The following ZBTB16 variants were observed in gnomAD, a reference collection of about 807,000 sequenced individuals.
ZBTB16 encodes zinc finger and BTB domain-containing protein 16.
In ZBTB16, 8 loss-of-function variants were observed where a neutral mutation model predicts 56.8. The ratio of observed to expected loss-of-function variants is 0.14; its 90% confidence interval spans 0.08 to 0.25. ZBTB16 has a LOEUF of 0.25. ZBTB16 is among the 10% of genes least tolerant of loss of function. The pLI, the probability that ZBTB16 is intolerant of heterozygous loss-of-function variation, is 1.00. For missense variants in ZBTB16, 625 were observed against 903.0 expected (o/e 0.69, Z 3.95); for synonymous variants, 363 against 368.5 (o/e 0.98, Z 0.17).
At chr11:114,073,375 C>T (rs1297097128) in intron 2 of ZBTB16, among the ~76,000 whole-genome samples, 2 of 152,198 alleles carry the variant, frequency 1.3e-5, no homozygotes, top group African/African-American at 4.8e-5. Context: ...AAATAAAAAT[C>T]CCATGCTGTT....
chr11:114,091,194 A>G (rs1343649575), intron 2 of ZBTB16, among the ~76,000 whole-genome samples: 1 of 152,154 alleles, frequency 6.6e-6, no homozygotes, highest in Non-Finnish European at 1.5e-5. Flanking sequence ...AAAAAAATAT[A>G]AAAATTAACG....
intron 2 of ZBTB16, among the ~76,000 whole-genome samples, chr11:114,118,776 T>C (rs1012531616): frequency 6.6e-6 from 1 of 152,178 alleles, no homozygotes; most frequent in African/African-American, 2.4e-5. Flanking sequence ...AGTGAGGGGT[T>C]ATGAAGAGAC....
chr11:114,133,018 G>A (rs1022923344), intron 2 of ZBTB16, among the ~76,000 whole-genome samples: 1 of 152,024 alleles, frequency 6.6e-6, no homozygotes, highest in African/African-American at 2.4e-5. Context: ...TCTTCCATGC[G>A]GCAATGAATA....
chr11:114,140,616 G>A (rs1177139480), intron 2 of ZBTB16, among the ~76,000 whole-genome samples: 1 of 152,202 alleles, frequency 6.6e-6, no homozygotes, highest in Non-Finnish European at 1.5e-5. Context: ...AGTAGAGGAT[G>A]GCATGTTTAG....
intron 2 of ZBTB16, among the ~76,000 whole-genome samples, chr11:114,144,541 A>T (rs1942047805): frequency 6.6e-6 from 1 of 152,134 alleles, no homozygotes; most frequent in Non-Finnish European, 1.5e-5. Flanking sequence ...GGGGTAGAAA[A>T]AGAAGTTTGG....
intron 4 of ZBTB16, among the ~76,000 whole-genome samples, chr11:114,195,315 C>A (rs1175209462): frequency 1.3e-5 from 2 of 152,106 alleles, no homozygotes; most frequent in Non-Finnish European, 2.9e-5. Flanking sequence ...CTCTTTCAGT[C>A]CATCTGTAGG....
At chr11:114,203,339 T>A (rs1388921588) in intron 4 of ZBTB16, among the ~76,000 whole-genome samples, 1 of 152,132 alleles carries the variant, frequency 6.6e-6, no homozygotes, top group Non-Finnish European at 1.5e-5. Flanking sequence ...TGGTTCCTTT[T>A]TGGAGTGATG....
chr11:114,214,753 G>A (rs1329385737), intron 4 of ZBTB16, among the ~76,000 whole-genome samples: 3 of 152,184 alleles, frequency 2.0e-5, no homozygotes, highest in Non-Finnish European at 2.9e-5. Context: ...ACAGGCATGC[G>A]CCACCACATC....
chr11:114,227,880 A>G (rs372255548), intron 4 of ZBTB16, among the ~76,000 whole-genome samples: 1 of 152,210 alleles, frequency 6.6e-6, no homozygotes, highest in African/African-American at 2.4e-5. Flanking sequence ...CAAAATTTGC[A>G]TTTTTAACCA....
chr11:114,069,630 C>T (rs1031445123), intron 2 of ZBTB16, among the ~76,000 whole-genome samples: 3 of 152,212 alleles, frequency 2.0e-5, no homozygotes, highest in Admixed American at 1.3e-4. Flanking sequence ...GTTTAGGCTA[C>T]TTTTGGGATT....
At chr11:114,200,809 C>A (rs1317869802) in intron 4 of ZBTB16, among the ~76,000 whole-genome samples, 1 of 152,164 alleles carries the variant, frequency 6.6e-6, no homozygotes. Flanking sequence ...CCTGTGTTTC[C>A]TCTCTGACTT....
chr11:114,112,285 G>T (rs1295325258), intron 2 of ZBTB16, among the ~76,000 whole-genome samples: 1 of 152,100 alleles, frequency 6.6e-6, no homozygotes, highest in African/African-American at 2.4e-5. Flanking sequence ...TTTCATCACA[G>T]AACATTTCTA....
At chr11:114,079,994 A>G (rs1193928674) in intron 2 of ZBTB16, among the ~76,000 whole-genome samples, 1 of 152,196 alleles carries the variant, frequency 6.6e-6, no homozygotes, top group Non-Finnish European at 1.5e-5. Flanking sequence ...TCTGTTGTTA[A>G]AAGAACAGAA....
At chr11:114,168,344 A>G (rs1034392921) in intron 3 of ZBTB16, among the ~76,000 whole-genome samples, 1 of 152,208 alleles carries the variant, frequency 6.6e-6, no homozygotes, top group African/African-American at 2.4e-5. Flanking sequence ...GCTCTGTTGC[A>G]TCCTCACAGC....
At chr11:114,104,345 A>C (rs1267905328) in intron 2 of ZBTB16, among the ~76,000 whole-genome samples, 1 of 152,192 alleles carries the variant, frequency 6.6e-6, no homozygotes, top group Admixed American at 6.5e-5. Context: ...CTATTGGGGA[A>C]AGACGGAGTT....
chr11:114,091,616 C>T (rs1205978265), intron 2 of ZBTB16, among the ~76,000 whole-genome samples: 1 of 144,954 alleles, frequency 6.9e-6, no homozygotes, highest in African/African-American at 2.5e-5. Flanking sequence ...CTCCCTCCCT[C>T]CCTCCCTTCC....
intron 2 of ZBTB16, among the ~76,000 whole-genome samples, chr11:114,075,890 G>A (rs760964912): frequency 6.6e-6 from 1 of 152,080 alleles, no homozygotes; most frequent in African/African-American, 2.4e-5. Context: ...TAAGTTGTTC[G>A]TTTTCTTTTG....
chr11:114,172,282 G>A (rs1204453487), intron 3 of ZBTB16, among the ~76,000 whole-genome samples: 3 of 152,176 alleles, frequency 2.0e-5, no homozygotes, highest in African/African-American at 7.2e-5. Context: ...TGAACACTTT[G>A]CCTTAGAAGG....
intron 4 of ZBTB16, chr11:114,210,735 C>T (rs1228732580): frequency 4.6e-6 from 1 of 218,170 alleles, no homozygotes; most frequent in Non-Finnish European, 9.2e-6. Flanking sequence ...TAGAGACATC[C>T]CAGGCCTGGT....
Sources: allele counts gnomAD v4.1 joint callset (sites outside exome capture counted in the v4.1 genomes callset), GRCh38; gene constraint gnomAD v4.1.1; transcripts MANE v1.5; gene names NCBI Gene and HGNC (gene_info 2026-07-23, HGNC 2026-07-21).